DARS1: variants seen among roughly 807,000 people sequenced by gnomAD.
DARS1 encodes aspartate--tRNA ligase, cytoplasmic.
In DARS1, 51 loss-of-function variants were observed where a neutral mutation model predicts 68.8. That is an observed-to-expected ratio of 0.74 (90% CI 0.59 to 0.94). The LOEUF (loss-of-function observed/expected upper bound fraction) is 0.94, where lower values mean the gene tolerates loss of function less well. Ranked by LOEUF, DARS1 falls within the 40% of genes least tolerant of loss-of-function variation. The pLI, the probability that DARS1 is intolerant of heterozygous loss-of-function variation, is 0.00. For missense variants in DARS1, 607 were observed against 597.3 expected (o/e 1.02, Z -0.17); for synonymous variants, 203 against 190.4 (o/e 1.07, Z -0.55).
intron 4 of DARS1, among the ~76,000 whole-genome samples, chr2:135,958,402 T>C (rs1348999871): frequency 6.6e-6 from 1 of 152,212 alleles, no homozygotes; most frequent in Non-Finnish European, 1.5e-5. Flanking sequence ...ATACCCATTT[T>C]ATGCGCTAAA....
At chr2:135,952,772 T>C (rs533862656) in intron 4 of DARS1, among the ~76,000 whole-genome samples, 1 of 152,352 alleles carries the variant, frequency 6.6e-6, no homozygotes, top group East Asian at 1.9e-4. Flanking sequence ...CATTCATCTG[T>C]TGAAGGAAAC....
intron 3 of DARS1, among the ~76,000 whole-genome samples, chr2:135,968,105 T>G (rs1304152707): frequency 6.6e-6 from 1 of 151,926 alleles, no homozygotes; most frequent in Non-Finnish European, 1.5e-5. Flanking sequence ...ACTAAAAATA[T>G]AAAAATTAGC....
At chr2:135,941,172 T>C (rs559554642) in intron 5 of DARS1, among the ~76,000 whole-genome samples, 108 of 152,242 alleles carry the variant, frequency 7.1e-4, no homozygotes, top group African/African-American at 2.3e-3. Flanking sequence ...TTAAAGTTCA[T>C]ATGGAACCAA....
chr2:135,965,447 G>C (rs1682203285), intron 3 of DARS1, among the ~76,000 whole-genome samples: 1 of 152,062 alleles, frequency 6.6e-6, no homozygotes. Flanking sequence ...ACCATAGTAA[G>C]TAAATACCGT....
chr2:135,917,183 A>G (rs1364810308), intron 10 of DARS1, among the ~76,000 whole-genome samples: 1 of 152,180 alleles, frequency 6.6e-6, no homozygotes, highest in Non-Finnish European at 1.5e-5. Context: ...GAAAAAGAAA[A>G]AAATGTCTAT....
intron 2 of DARS1, among the ~76,000 whole-genome samples, chr2:135,981,082 A>G (rs1682621103): frequency 6.6e-6 from 1 of 152,202 alleles, no homozygotes; most frequent in Non-Finnish European, 1.5e-5. Context: ...AACCACCTTG[A>G]GCAAAGAATT....
rs1367358714 is a variant in DARS1 at position 135,985,449 on chromosome 2, C to G, written c.20G>C (p.Ser7Thr). 4 of 1,613,918 alleles carry G rather than the reference C, an allele frequency of 2.5e-6. No individual in the cohort carries two copies. Among genetic ancestry groups the G allele is most frequent in the Non-Finnish European group, 3.4e-6 (4 of 1,179,954 alleles). Residue 7 changes from serine to threonine, a missense_variant, in exon 1 of 16, where the codon AGC becomes ACC. Physicochemically the swap from Ser to Thr is moderately conservative, Grantham distance 58. Transcript: ENST00000264161. Reference protein sequence around the residue: MPSASASRKSQEKPREI... With the variant: MPSASATRKSQEKPREI... ...CCGCGGCTTCTCCTGACTCTTGCGGCTGGCGCTGGCGCTGGGCATCGGGAC... is the reference window on the plus strand; with the variant it reads ...CCGCGGCTTCTCCTGACTCTTGCGGGTGGCGCTGGCGCTGGGCATCGGGAC...
chr2:135,924,269 TG>T, intron 8 of DARS1, 117 bp downstream of exon 8: 1 of 1,143,120 alleles, frequency 8.7e-7, no homozygotes, highest in Non-Finnish European at 1.2e-6. Context: ...AGTAGTCTCA[TG>T]GCAATAAACC....
intron 1 of DARS1, among the ~76,000 whole-genome samples, chr2:135,984,859 G>A (rs1310012244): frequency 6.6e-6 from 1 of 151,978 alleles, no homozygotes. Flanking sequence ...ATGCATTCTC[G>A]GTAACTCCTA....
intron 3 of DARS1, among the ~76,000 whole-genome samples, chr2:135,978,337 A>G (rs964155556): frequency 3.3e-5 from 5 of 152,128 alleles, no homozygotes; most frequent in Non-Finnish European, 7.4e-5. Context: ...CTACAGAAGC[A>G]AAGAACTCTG....
intron 12 of DARS1, among the ~76,000 whole-genome samples, chr2:135,913,853 G>A (rs2104794711): frequency 6.6e-6 from 1 of 152,198 alleles, no homozygotes; most frequent in Non-Finnish European, 1.5e-5. Flanking sequence ...AACTGAAACT[G>A]GCTCTGCTGA....
chr2:135,911,614 A>G (rs1414635142), intron 13 of DARS1, 121 bp from the exon 14 acceptor site: 1 of 629,992 alleles, frequency 1.6e-6, no homozygotes, highest in African/African-American at 1.9e-5. Flanking sequence ...TAACAATGCA[A>G]TCTTGTTCTC....
chr2:135,975,352 A>C (rs950151453), intron 3 of DARS1, among the ~76,000 whole-genome samples: 1 of 152,064 alleles, frequency 6.6e-6, no homozygotes, highest in Non-Finnish European at 1.5e-5. Context: ...CTCAAAAAAC[A>C]AACAAACAAA....
chr2:135,935,410 C>G (rs895104285), intron 5 of DARS1, among the ~76,000 whole-genome samples: 19 of 150,264 alleles, frequency 1.3e-4, no homozygotes, highest in Non-Finnish European at 2.7e-4. Context: ...TCTTGGCTAA[C>G]AGAGTGAAAC....
At chr2:135,961,035 G>A (rs1268290257) in intron 4 of DARS1, among the ~76,000 whole-genome samples, 5 of 152,062 alleles carry the variant, frequency 3.3e-5, no homozygotes, top group African/African-American at 7.2e-5. Context: ...TGCTCAACAT[G>A]CAAATCTCAA....
Position 135,914,497 on chromosome 2 carries a change from T to C in DARS1, c.1121A>G (p.Lys374Arg). 6.8e-7 allele frequency: 1 copy of C among 1,463,938 alleles called. No individual in the cohort carries two copies. The highest frequency in any genetic ancestry group is 1.1e-5 in the South Asian group (1 of 88,054). 90.7% of individuals were successfully genotyped at this position (1,463,938 alleles called of 1,614,324 possible). A position where few individuals can be genotyped will look rare whatever the true frequency, so the allele number is the denominator to read the frequency against. Residue 374 changes from lysine to arginine, a missense_variant, in exon 12 of 16, where the codon AAG becomes AGG. Lys to Arg is a conservative substitution (Grantham distance 26, BLOSUM62 2). Coordinates refer to ENST00000264161, the MANE Select transcript of DARS1 (RefSeq NM_001349.4). ...DEDDLSTPNE[K>R]LLGHLVKEKY... ...TTCCTTTACCAAATGACCCAACAGCTTTTCATTTGGTGTGCTGAAAAAGAA... is the reference window on the plus strand; with the variant it reads ...TTCCTTTACCAAATGACCCAACAGCCTTTCATTTGGTGTGCTGAAAAAGAA...
chr2:135,933,899 A>AT lies in DARS1; in HGVS notation c.504+10dup. The stretch of plus-strand genomic sequence containing the variant: ...AGCGGAAGCATAATATTTCATAAGT[A>AT]TAATTTTTACCTCTTCTCCTTCTGC... On this transcript the variant is annotated intron_variant, in intron 6 of 15. Transcript: ENST00000264161. The AT allele has an allele frequency of 6.2e-7, 1 of 1,611,042 alleles. No individual in the cohort carries two copies. Among genetic ancestry groups the AT allele is most frequent in the Non-Finnish European group, 8.5e-7 (1 of 1,178,284 alleles).
intron 11 of DARS1, among the ~76,000 whole-genome samples, chr2:135,915,508 G>C (rs1416469447): frequency 6.6e-6 from 1 of 152,014 alleles, no homozygotes; most frequent in African/African-American, 2.4e-5. Flanking sequence ...GGCTGGTCCC[G>C]AAATCCTGGC....
At chr2:135,917,161 A>AAAAAAG (rs1432164906) in intron 10 of DARS1, among the ~76,000 whole-genome samples, 5 of 152,204 alleles carry the variant, frequency 3.3e-5, no homozygotes, top group Non-Finnish European at 5.9e-5. Context: ...CTCGTCTCAA[A>AAAAAAG]AAAAAGAAAA....
Sources: gnomAD v4.1 joint callset for allele counts (sites outside exome capture counted in the v4.1 genomes callset) on GRCh38, gnomAD v4.1.1 for gene constraint, MANE v1.5 for transcripts, NCBI Gene and HGNC (gene_info 2026-07-23, HGNC 2026-07-21) for gene names.